The following IGSF11 variants were observed in gnomAD, a reference collection of about 807,000 sequenced individuals.
IGSF11 encodes CXADR like 1.
Under a neutral mutation model 41.0 loss-of-function variants are expected in IGSF11, and 22 were observed. The observed-to-expected ratio is 0.54, with a 90% CI of 0.38 to 0.77. The LOEUF is 0.77. IGSF11 is among the 30% of genes least tolerant of loss of function. IGSF11 has a pLI of 0.00. For synonymous variants in IGSF11, 219 were observed against 201.3 expected (o/e 1.09, Z -0.74); for missense variants, 444 against 530.8 (o/e 0.84, Z 1.61).
intron 4 of IGSF11, among the ~76,000 whole-genome samples, chr3:118,918,679 C>T (rs1576363321): frequency 1.8e-5 from 2 of 112,740 alleles, no homozygotes; most frequent in East Asian, 2.8e-4. Context: ...AATGGCCATA[C>T]TGCCCAAGGT....
At chr3:119,027,853 A>C (rs1446758861) in intron 1 of IGSF11, among the ~76,000 whole-genome samples, 1 of 152,210 alleles carries the variant, frequency 6.6e-6, no homozygotes, top group Non-Finnish European at 1.5e-5. Context: ...GGCAATATAC[A>C]TAAGTGAACT....
At chr3:119,109,268 C>A (rs1204034203), upstream of IGSF11, among the ~76,000 whole-genome samples, 1 of 150,188 alleles carries the variant, frequency 6.7e-6, no homozygotes, top group Non-Finnish European at 1.5e-5. Context: ...AATTTCAGAT[C>A]CTGTTATTGG....
chr3:119,097,326 T>C (rs1428208221), intron 1 of IGSF11, among the ~76,000 whole-genome samples: 3 of 152,158 alleles, frequency 2.0e-5, no homozygotes, highest in African/African-American at 2.4e-5. Context: ...ACTATAATTA[T>C]GGCATCTCTC....
intron 1 of IGSF11, among the ~76,000 whole-genome samples, chr3:119,001,654 A>G (rs1035630821): frequency 2.3e-5 from 3 of 128,196 alleles, no homozygotes; most frequent in Non-Finnish European, 4.7e-5. Context: ...CCAGAGTGTG[A>G]TATTCCCCTT....
chr3:119,075,435 C>G (rs2076477806), intron 1 of IGSF11, among the ~76,000 whole-genome samples: 1 of 152,026 alleles, frequency 6.6e-6, no homozygotes, highest in Non-Finnish European at 1.5e-5. Context: ...TGAAACTATT[C>G]CAAAAAAACA....
intron 1 of IGSF11, among the ~76,000 whole-genome samples, chr3:119,126,677 C>A (rs1300619433): frequency 6.6e-6 from 1 of 152,192 alleles, no homozygotes; most frequent in Admixed American, 6.5e-5. Context: ...AGGCACCAAT[C>A]TTGGCTGCTC....
chr3:118,905,502 T>G (rs1315146893), intron 5 of IGSF11, 94 bp downstream of exon 5: 4 of 1,342,114 alleles, frequency 3.0e-6, no homozygotes, highest in Non-Finnish European at 4.2e-6. Context: ...TCAGATAACC[T>G]TAAGACAATT....
chr3:119,140,569 A>C (rs1208591924), intron 1 of IGSF11, among the ~76,000 whole-genome samples: 2 of 152,088 alleles, frequency 1.3e-5, no homozygotes, highest in East Asian at 3.9e-4. Flanking sequence ...AACTAAGCAG[A>C]AGATCAACCA....
At chr3:119,138,422 T>C (rs1450477618) in intron 1 of IGSF11, among the ~76,000 whole-genome samples, 3 of 152,208 alleles carry the variant, frequency 2.0e-5, no homozygotes, top group Non-Finnish European at 4.4e-5. Flanking sequence ...CAGTGGTTCA[T>C]GCCTGTAATC....
intron 1 of IGSF11, among the ~76,000 whole-genome samples, chr3:118,982,999 T>A (rs1934892851): frequency 6.6e-6 from 1 of 152,122 alleles, no homozygotes; most frequent in African/African-American, 2.4e-5. Flanking sequence ...GGGCTTTGAG[T>A]CATAAATGAC....
chr3:118,976,103 T>G (rs1388236865), intron 1 of IGSF11, among the ~76,000 whole-genome samples: 1 of 152,174 alleles, frequency 6.6e-6, no homozygotes, highest in African/African-American at 2.4e-5. Flanking sequence ...ATTCAAGTTA[T>G]GTGTTCCCAG....
exon 1 of IGSF11, chr3:119,146,013 A>C (rs1284140519): frequency 6.7e-6 from 4 of 596,948 alleles, no homozygotes; most frequent in African/African-American, 5.6e-5. Flanking sequence ...CTGCAGGGTC[A>C]GCTGACTGCC....
intron 1 of IGSF11, among the ~76,000 whole-genome samples, chr3:118,993,115 A>G (rs1218601527): frequency 6.6e-6 from 1 of 152,174 alleles, no homozygotes. Context: ...AGTCCCAGCT[A>G]CTCACAGTAG....
In IGSF11 at chr3:118,901,442, T is replaced by A. The variant is rs1179058766; in HGVS notation, c.*1078A>T. 1 of 152,110 alleles carries A rather than the reference T, an allele frequency of 6.6e-6. No homozygotes were observed. The highest frequency in any genetic ancestry group is 2.4e-5 in the African/African-American group (1 of 41,402). 9.4% of individuals were successfully genotyped at this position (152,110 alleles called of 1,614,324 possible). Reference sequence around the variant, plus strand: ...AAAAACGAAACAGAACAAAAAAACGTCTGCCCTCCCTGACAAGTAAGTTAA... The same window carrying A: ...AAAAACGAAACAGAACAAAAAAACGACTGCCCTCCCTGACAAGTAAGTTAA... On this transcript the variant is annotated 3_prime_UTR_variant, in exon 7 of 7. Coordinates refer to ENST00000393775, the MANE Select transcript of IGSF11 (RefSeq NM_001015887.3).
intron 1 of IGSF11, among the ~76,000 whole-genome samples, chr3:118,981,208 C>A (rs962130474): frequency 6.6e-6 from 1 of 152,144 alleles, no homozygotes; most frequent in Non-Finnish European, 1.5e-5. Context: ...TCTCACTCGT[C>A]ACCCAGGCTG....
intron 1 of IGSF11, among the ~76,000 whole-genome samples, chr3:119,083,447 C>T (rs537962053): frequency 5.3e-5 from 8 of 151,884 alleles, no homozygotes; most frequent in African/African-American, 1.7e-4. Context: ...CTTTCCTATC[C>T]CTCCTGGGAA....
chr3:119,089,650 A>G, intron 1 of IGSF11, among the ~76,000 whole-genome samples: 1 of 152,220 alleles, frequency 6.6e-6, no homozygotes, highest in South Asian at 2.1e-4. Context: ...CTCTTTGCTA[A>G]TGATATAATT....
chr3:119,111,903 G>A (rs572529368), intron 1 of IGSF11, among the ~76,000 whole-genome samples: 2 of 152,216 alleles, frequency 1.3e-5, no homozygotes, highest in African/African-American at 2.4e-5. Context: ...CTGCAGACCA[G>A]CGGATTTTCG....
intron 1 of IGSF11, among the ~76,000 whole-genome samples, chr3:119,002,340 T>G (rs1275369589): frequency 6.6e-6 from 1 of 151,320 alleles, no homozygotes; most frequent in Non-Finnish European, 1.5e-5. Flanking sequence ...TCTTGTAAAT[T>G]TGTTTGAGTT....
Sources: gnomAD v4.1 joint callset for allele counts (sites outside exome capture counted in the v4.1 genomes callset) on GRCh38, gnomAD v4.1.1 for gene constraint, MANE v1.5 for transcripts, NCBI Gene and HGNC (gene_info 2026-07-23, HGNC 2026-07-21) for gene names.